The following MYT1L variants were observed in gnomAD, a reference collection of about 807,000 sequenced individuals.
MYT1L encodes the protein myelin transcription factor 1-like protein.
A neutral mutation model predicts 126.7 loss-of-function variants in MYT1L; 12 were observed. The ratio of observed to expected loss-of-function variants is 0.09; its 90% CI spans 0.06 to 0.15. MYT1L has a LOEUF of 0.15. MYT1L is among the 10% of genes least tolerant of loss of function. MYT1L has a pLI of 1.00. For missense variants in MYT1L, 979 were observed against 1,585.2 expected (o/e 0.62, Z 6.49); for synonymous variants, 541 against 604.2 (o/e 0.90, Z 1.53).
intron 8 of MYT1L, among the ~76,000 whole-genome samples, chr2:1,967,706 C>G (rs1010182217): frequency 2.0e-4 from 30 of 152,240 alleles, no homozygotes; most frequent in African/African-American, 6.7e-4. Flanking sequence ...AAAGGTCGTT[C>G]CAGGGTGGAA....
intron 1 of MYT1L, among the ~76,000 whole-genome samples, chr2:2,322,558 G>A (rs1025259954): frequency 3.3e-5 from 5 of 151,530 alleles, no homozygotes; most frequent in African/African-American, 9.7e-5. Flanking sequence ...GCGGGGCTCC[G>A]TGAAGTGGAG....
chr2:2,149,368 A>G (rs2085379666), intron 3 of MYT1L, among the ~76,000 whole-genome samples: 1 of 152,216 alleles, frequency 6.6e-6, no homozygotes, highest in African/African-American at 2.4e-5. Flanking sequence ...TGCACTGCAT[A>G]TGTGTGCTGT....
intron 3 of MYT1L, among the ~76,000 whole-genome samples, chr2:2,145,538 T>C (rs951308568): frequency 6.6e-6 from 1 of 151,834 alleles, no homozygotes; most frequent in Non-Finnish European, 1.5e-5. Flanking sequence ...ATTGGAAAGT[T>C]AGGAAGGAGA....
At position 1,793,090 on chromosome 2, in the gene MYT1L, A is replaced by C. The variant is rs1269927712; in HGVS notation, c.3277-626T>G. Reference sequence around the variant, plus strand: ...TTTCTAGCCTGAATAAAATTCTGCCACAGCTAAGTCCTCCAATGCTCATTT... The same window carrying C: ...TTTCTAGCCTGAATAAAATTCTGCCCCAGCTAAGTCCTCCAATGCTCATTT... On this transcript the variant is annotated intron_variant, in intron 23 of 24. Coordinates refer to ENST00000647738, the MANE Select transcript of MYT1L (RefSeq NM_001303052.2). This position sits in a 1 kb window ranked among gnomAD's most constrained non-coding sequence, Gnocchi z 4.6. 6.6e-6 allele frequency among the ~76,000 whole-genome samples: 1 copy of C among 152,168 alleles called. No individual in the cohort carries two copies. Among genetic ancestry groups the C allele is most frequent in the Non-Finnish European group, 1.5e-5 (1 of 68,020 alleles).
At chr2:2,196,616 G>C (rs1301407518) in intron 2 of MYT1L, among the ~76,000 whole-genome samples, 6 of 151,654 alleles carry the variant, frequency 4.0e-5, no homozygotes, top group Non-Finnish European at 7.4e-5. Flanking sequence ...CACACAAATA[G>C]GGGGAAGTAG....
chr2:2,022,438 T>C (rs1303806264), intron 4 of MYT1L, among the ~76,000 whole-genome samples: 1 of 152,220 alleles, frequency 6.6e-6, no homozygotes, highest in Non-Finnish European at 1.5e-5. Flanking sequence ...GCATTAATTT[T>C]AGGTATTTTT....
At chr2:2,176,486 T>C (rs1481224072) in intron 2 of MYT1L, among the ~76,000 whole-genome samples, 2 of 151,802 alleles carry the variant, frequency 1.3e-5, no homozygotes, top group African/African-American at 4.8e-5. Context: ...GCAATATCAA[T>C]ATTTAGGACA....
chr2:1,868,983 C>T (rs2045939319), intron 18 of MYT1L, among the ~76,000 whole-genome samples: 1 of 152,202 alleles, frequency 6.6e-6, no homozygotes, highest in African/African-American at 2.4e-5. Flanking sequence ...TAAGGATATA[C>T]AGCCCAGGAA....
At chr2:2,064,559 A>G (rs1385165922) in intron 3 of MYT1L, among the ~76,000 whole-genome samples, 1 of 152,172 alleles carries the variant, frequency 6.6e-6, no homozygotes, top group African/African-American at 2.4e-5. Flanking sequence ...GTGTACAGAG[A>G]GGAGACTTTA....
chr2:2,183,295 C>T (rs1376442263), intron 2 of MYT1L, among the ~76,000 whole-genome samples: 4 of 152,096 alleles, frequency 2.6e-5, no homozygotes, highest in Admixed American at 6.5e-5. Context: ...AAGTAGACCA[C>T]GAGAGAGCTG....
At chr2:2,088,879 G>T (rs1217223892) in intron 3 of MYT1L, among the ~76,000 whole-genome samples, 1 of 152,168 alleles carries the variant, frequency 6.6e-6, no homozygotes, top group Non-Finnish European at 1.5e-5. Flanking sequence ...TAAGAAAACA[G>T]CACTCTCAAG....
chr2:2,164,779 G>A (rs762447467), intron 3 of MYT1L, among the ~76,000 whole-genome samples: 6 of 152,196 alleles, frequency 3.9e-5, no homozygotes, highest in South Asian at 2.1e-4. Context: ...CATACACGCC[G>A]TTGCTCAAAG....
rs555559222 is a variant in MYT1L, at chr2:1,807,152, C to T, written c.3172+1924G>A. ...AGGAGCAGCCTGGGGGACAGGATGC[C>T]TCCAGGAGCCCCAGACCTTGAGGAC... On this transcript the variant is annotated intron_variant, in intron 22 of 24. Coordinates refer to ENST00000647738, the MANE Select transcript of MYT1L (RefSeq NM_001303052.2). Among the ~76,000 whole-genome samples the T allele has an allele frequency of 5.3e-5, 8 of 152,226 alleles. No individual in the cohort carries two copies. In the East Asian group the frequency reaches 1.5e-3, roughly 29 times the overall value.
chr2:2,248,035 A>G (rs1382636233), intron 2 of MYT1L, among the ~76,000 whole-genome samples: 1 of 152,116 alleles, frequency 6.6e-6, no homozygotes, highest in Non-Finnish European at 1.5e-5. Context: ...AATAATAAAG[A>G]TAAAAGCAGA....
At chr2:2,041,738 C>G (rs989970137) in intron 4 of MYT1L, among the ~76,000 whole-genome samples, 7 of 152,160 alleles carry the variant, frequency 4.6e-5, no homozygotes, top group African/African-American at 1.7e-4. Flanking sequence ...CCTGGTACCT[C>G]TATCTTGCAG....
At chr2:1,988,976 G>C (rs2061264491) in intron 5 of MYT1L, among the ~76,000 whole-genome samples, 1 of 152,176 alleles carries the variant, frequency 6.6e-6, no homozygotes, top group South Asian at 2.1e-4. Flanking sequence ...TGTAGGGTAA[G>C]ATGAAGTCCT....
rs562389543 is a variant in MYT1L at position 1,848,207 on chromosome 2, G to A, written c.2774+3434C>T. On this transcript the variant is annotated intron_variant, in intron 19 of 24. Coordinates refer to ENST00000647738, the MANE Select transcript of MYT1L (RefSeq NM_001303052.2). This position sits in a 1 kb window ranked among gnomAD's most constrained non-coding sequence, Gnocchi z 4.8. ...CAGTTTTCTCTCAGATGGGAGCTGGGAATGCTCTGCAACTGCAGACAGAAT... is the reference window on the plus strand; with the variant it reads ...CAGTTTTCTCTCAGATGGGAGCTGGAAATGCTCTGCAACTGCAGACAGAAT... 1.3e-5 allele frequency among the ~76,000 whole-genome samples: 2 copies of A among 152,364 alleles called. No individual in the cohort carries two copies. The highest frequency in any genetic ancestry group is 4.1e-4 in the South Asian group (2 of 4,832).
At chr2:1,859,959 G>A (rs1320496894) in intron 18 of MYT1L, among the ~76,000 whole-genome samples, 1 of 152,358 alleles carries the variant, frequency 6.6e-6, no homozygotes, top group East Asian at 1.9e-4. Flanking sequence ...TGTTTGGGGA[G>A]CACCCAGGGG....
chr2:1,957,252 T>C (rs1025770677), intron 8 of MYT1L, among the ~76,000 whole-genome samples: 1 of 152,242 alleles, frequency 6.6e-6, no homozygotes, highest in African/African-American at 2.4e-5. Context: ...ATCTACTCTG[T>C]TATCTTTTTT....
Sources: allele counts gnomAD v4.1 joint callset (sites outside exome capture counted in the v4.1 genomes callset), GRCh38; gene constraint gnomAD v4.1.1; non-coding constraint Gnocchi (gnomAD v3.1); transcripts MANE v1.5; gene names NCBI Gene and HGNC (gene_info 2026-07-23, HGNC 2026-07-21).